TSC1: variants seen among roughly 807,000 people sequenced by gnomAD.
TSC1 encodes the protein hamartin.
TSC1 carries 20 observed loss-of-function variants against 124.3 expected under a neutral mutation model. That is an observed-to-expected ratio of 0.16 (90% CI 0.11 to 0.23). TSC1 has a LOEUF of 0.23. TSC1 is among the 10% of genes least tolerant of loss of function. The pLI is 1.00. For missense variants in TSC1, 1,124 were observed against 1,448.5 expected, an observed-to-expected ratio of 0.78 and a Z score of 3.64; for synonymous variants, 493 against 539.1, an observed-to-expected ratio of 0.91 and a Z score of 1.19.
intron 2 of TSC1, among the ~76,000 whole-genome samples, chr9:132,933,522 G>C (rs574984755): frequency 6.6e-6 from 1 of 152,156 alleles, no homozygotes; most frequent in African/African-American, 2.4e-5. Flanking sequence ...GGATCTTTGA[G>C]GCTTGCCAAG....
Position 132,916,603 on chromosome 9 carries a change from C to A in TSC1, c.738-4146G>T, listed in dbSNP as rs896819787. Among the ~76,000 whole-genome samples the A allele has an allele frequency of 2.0e-5, 3 of 152,174 alleles. No homozygotes were observed. The South Asian group carries it at 6.2e-4, about 32-fold the overall frequency. ...CACAGAGTATACTATGATAATATTT[C>A]CTTTCTTGTAAGTTTTAATTGTTCT... On this transcript the variant is annotated intron_variant, in intron 8 of 22. Coordinates refer to ENST00000298552, the MANE Select transcript of TSC1 (RefSeq NM_000368.5).
At position 132,896,930 on chromosome 9, in the gene TSC1, G is replaced by A. The variant is rs1243976536; in HGVS notation, c.2976-176C>T. Among the ~76,000 whole-genome samples, 2 of 152,196 alleles carry A rather than the reference G, an allele frequency of 1.3e-5. 1 individual carries two copies. The highest frequency in any genetic ancestry group is 2.9e-5 in the Non-Finnish European group (2 of 68,040). On this transcript the variant is annotated intron_variant, in intron 22 of 22. Coordinates refer to ENST00000298552, the MANE Select transcript of TSC1 (RefSeq NM_000368.5). This position sits in a 1 kb window ranked among gnomAD's most constrained non-coding sequence, Gnocchi z 4.5. ...AAGAGAAACCTAAATCACAACTAGG[G>A]ATAGTAGGTGGCAATCTTAAGTGTG...
In TSC1 at chr9:132,902,264, G is replaced by A. The variant is rs1384350696; in HGVS notation, c.2391+341C>T. 6.6e-6 allele frequency among the ~76,000 whole-genome samples: 1 copy of A among 152,172 alleles called. No homozygotes were observed. Among genetic ancestry groups the A allele is most frequent in the Non-Finnish European group, 1.5e-5 (1 of 68,038 alleles). On this transcript the variant is annotated intron_variant, in intron 18 of 22. Coordinates refer to ENST00000298552, the MANE Select transcript of TSC1 (RefSeq NM_000368.5). This position sits in a 1 kb window ranked among gnomAD's most constrained non-coding sequence, Gnocchi z 5.2. ...TATTTTTTTAAAAATTAATTTATGT[G>A]TATTATCTGTGAACAGCTACTAAGT...
chr9:132,916,514 G>A (rs922702253), intron 8 of TSC1, among the ~76,000 whole-genome samples: 1 of 152,090 alleles, frequency 6.6e-6, no homozygotes, highest in African/African-American at 2.4e-5. Flanking sequence ...ATATGTAACT[G>A]TTTTTGTTGT....
chr9:132,918,055 AG>A (rs1846354953), intron 8 of TSC1, among the ~76,000 whole-genome samples: 1 of 152,208 alleles, frequency 6.6e-6, no homozygotes, highest in Non-Finnish European at 1.5e-5. Flanking sequence ...AAGCTGACTG[AG>A]GAGCCTTCCA....
At chr9:132,900,930 T>A in intron 19 of TSC1, 93 bp from the exon 20 acceptor site, 1 of 1,586,914 alleles carries the variant, frequency 6.3e-7, no homozygotes, top group South Asian at 1.1e-5. Flanking sequence ...GAGCACACTA[T>A]TTCAATGTTA....
chr9:132,938,141 TCTA>T (rs1358704684), intron 1 of TSC1, among the ~76,000 whole-genome samples: 3 of 152,266 alleles, frequency 2.0e-5, no homozygotes, highest in Admixed American at 6.5e-5. Flanking sequence ...TACCTACTAT[TCTA>T]CTCTTATTTA....
At chr9:132,912,790 A>C (rs990487794) in intron 8 of TSC1, 2 of 331,328 alleles carry the variant, frequency 6.0e-6, no homozygotes, top group Non-Finnish European at 1.1e-5. Context: ...CTTTGGAACA[A>C]AGGTCATCAA....
chr9:132,933,258 G>T (rs1847295079), intron 2 of TSC1, among the ~76,000 whole-genome samples: 1 of 152,122 alleles, frequency 6.6e-6, no homozygotes, highest in African/African-American at 2.4e-5. Flanking sequence ...TAGAGATGGG[G>T]TTTTACCATG....
Position 132,927,452 on chromosome 9 carries a change from TTAA to T in TSC1, c.107-151_107-149del, listed in dbSNP as rs1000121122. 6.7e-5 allele frequency: 49 copies of T among 726,290 alleles called. No homozygotes were observed. The African/African-American group carries it at 7.4e-4, about 11-fold the overall frequency. The allele number at this position is 726,290 out of a possible 1,614,324, so 45.0% of individuals were successfully genotyped here. ...AGCATTACAGTTCTGCCTTCTTAATTTAATAATAAGATATTCCAAGCTTATTTG... is the reference window on the plus strand; with the variant it reads ...AGCATTACAGTTCTGCCTTCTTAATTTAATAAGATATTCCAAGCTTATTTG... On this transcript the variant is annotated intron_variant, in intron 3 of 22. Coordinates refer to ENST00000298552, the MANE Select transcript of TSC1 (RefSeq NM_000368.5).
intron 8 of TSC1, among the ~76,000 whole-genome samples, chr9:132,915,334 A>C (rs1381217780): frequency 6.6e-6 from 1 of 152,240 alleles, no homozygotes; most frequent in Non-Finnish European, 1.5e-5. Context: ...TAATGCTTTC[A>C]AACATTAGAT....
intron 11 of TSC1, 92 bp downstream of exon 11, chr9:132,910,910 G>C: frequency 7.4e-7 from 1 of 1,355,588 alleles, no homozygotes; most frequent in East Asian, 2.3e-5. Flanking sequence ...GTTTACAACA[G>C]CAAGTGGTCC....
chr9:132,895,778 T>C lies in TSC1; in HGVS notation c.*457A>G, dbSNP rs1250224619. The C allele has an allele frequency of 3.7e-6, 1 of 269,372 alleles. No individual in the cohort carries two copies. Among genetic ancestry groups the C allele is most frequent in the African/African-American group, 2.2e-5 (1 of 46,066 alleles). The allele number at this position is 269,372 out of a possible 1,614,324, so 16.7% of individuals were successfully genotyped here. On this transcript the variant is annotated 3_prime_UTR_variant, in exon 23 of 23. Coordinates refer to ENST00000298552, the MANE Select transcript of TSC1 (RefSeq NM_000368.5). ...ACCAGCTTTGCAGGCTATGTCCTCC[T>C]GGAAGGGACAAAACCAGACTTACCT...
intron 20 of TSC1, chr9:132,900,389 A>G: frequency 2.6e-6 from 1 of 388,356 alleles, no homozygotes; most frequent in Non-Finnish European, 4.9e-6. Flanking sequence ...GGTATGTTAA[A>G]CAGAATTGGT....
At chr9:132,932,558 G>A (rs998657539) in intron 2 of TSC1, among the ~76,000 whole-genome samples, 3 of 152,056 alleles carry the variant, frequency 2.0e-5, no homozygotes, top group Admixed American at 2.0e-4. Context: ...TCATCCAATG[G>A]CTTCCCATGG....
chr9:132,931,469 C>T (rs1386875993), intron 2 of TSC1: 1 of 152,180 alleles, frequency 6.6e-6, no homozygotes, highest in Non-Finnish European at 1.5e-5. Context: ...AAGTTTTTCT[C>T]TCTGGTTCCA....
Position 132,905,867 on chromosome 9 carries a change from C to G in TSC1, c.1711G>C (p.Glu571Gln), listed in dbSNP as rs1172716547. ...CTGGTCTCCAAAGAAGTCTGGCATT[C>G]CCTGTCTCCCGCAGGGCTTTCATCA... ...SADESPAGDR[E>Q]CQTSLETSIF... The change falls in exon 15 of 23, where the codon GAA becomes CAA. Residue 571 changes from glutamate (E) to glutamine (Q), a missense_variant. By Grantham distance (29) the Glu-to-Gln change is conservative. This residue lies in a region of TSC1 where 321 missense variants were observed against 397.4 expected (regional missense o/e 0.81). Transcript: ENST00000298552. 1 of 1,612,576 alleles carries G rather than the reference C, an allele frequency of 6.2e-7. No individual in the cohort carries two copies. Among genetic ancestry groups the G allele is most frequent in the Non-Finnish European group, 8.5e-7 (1 of 1,178,774 alleles).
rs1845599579 is a variant in TSC1 at position 132,905,518 on chromosome 9, A to C, written c.1997+63T>G. The C allele has an allele frequency of 6.2e-6, 10 of 1,607,820 alleles. No individual in the cohort carries two copies. In the South Asian group the frequency reaches 8.8e-5, roughly 14 times the overall value. ...AGAATGATTCTTGTTCCTCTCTTAC[A>C]CTTTCTGTACTTCACAATAAAATGG... On this transcript the variant is annotated intron_variant, in intron 15 of 22. Transcript: ENST00000298552.
At chr9:132,907,760 G>A (rs1845748429) in intron 12 of TSC1, among the ~76,000 whole-genome samples, 1 of 152,084 alleles carries the variant, frequency 6.6e-6, no homozygotes, top group Non-Finnish European at 1.5e-5. Context: ...AAAGTGCTGG[G>A]ACCACGCCCA....
Sources: gnomAD v4.1 joint callset for allele counts (sites outside exome capture counted in the v4.1 genomes callset) on GRCh38, gnomAD v4.1.1 for gene constraint, gnomAD v4.1.1 regional missense constraint, Gnocchi (gnomAD v3.1) non-coding constraint, MANE v1.5 for transcripts, NCBI Gene and HGNC (gene_info 2026-07-23, HGNC 2026-07-21) for gene names.